GRM7: variants seen among roughly 807,000 people sequenced by gnomAD.
GRM7 encodes metabotropic glutamate receptor 7.
GRM7 carries 35 observed loss-of-function variants against 84.5 expected under a neutral mutation model. That is an observed-to-expected ratio of 0.41 (90% CI 0.32 to 0.55). GRM7 has a LOEUF of 0.55. Among genes scored for constraint, GRM7 ranks in the 20% least tolerant of loss-of-function variants. GRM7 has a pLI of 0.19. For missense variants in GRM7, 1,003 were observed against 1,194.6 expected, an observed-to-expected ratio of 0.84 and a Z score of 2.36; for synonymous variants, 487 against 455.1, an observed-to-expected ratio of 1.07 and a Z score of -0.89.
At chr3:7,445,628 G>C (rs967613239) in intron 5 of GRM7, among the ~76,000 whole-genome samples, 1 of 152,082 alleles carries the variant, frequency 6.6e-6, no homozygotes, top group Non-Finnish European at 1.5e-5. Context: ...ACCTGACTTT[G>C]CTTCTACTGA....
chr3:7,402,095 C>T (rs889828538), intron 4 of GRM7, among the ~76,000 whole-genome samples: 5 of 152,094 alleles, frequency 3.3e-5, no homozygotes, highest in African/African-American at 1.2e-4. Flanking sequence ...CCCAGGCAAA[C>T]TGAATTTTTC....
rs547315923 is a variant in GRM7 at position 6,887,734 on chromosome 3, G to T, written c.519+25827G>T. The stretch of plus-strand genomic sequence containing the variant: ...ATAGCAGCAGGATTTATAGTCCTTT[G>T]GGTATATACCCCGTACTGGGATGGC... On this transcript the variant is annotated intron_variant, in intron 1 of 9. Transcript: ENST00000357716. Among the ~76,000 whole-genome samples, 255 of 152,178 alleles carry T rather than the reference G, an allele frequency of 1.7e-3. 2 individuals carry two copies. Among genetic ancestry groups the T allele is most frequent in the African/African-American group, 5.7e-3 (238 of 41,514 alleles).
intron 8 of GRM7, among the ~76,000 whole-genome samples, chr3:7,611,041 TATATTGA>T (rs1696824864): frequency 6.6e-6 from 1 of 152,176 alleles, no homozygotes; most frequent in Non-Finnish European, 1.5e-5. Flanking sequence ...TGCGAGAGAA[TATATTGA>T]ATAGCCTTGT....
chr3:7,229,649 G>A lies in GRM7; in HGVS notation c.737-69035G>A, dbSNP rs747085724. Among the ~76,000 whole-genome samples, 77 of 144,504 alleles carry A rather than the reference G, an allele frequency of 5.3e-4. 1 individual carries two copies. Among genetic ancestry groups the A allele is most frequent in the Non-Finnish European group, 9.0e-4 (60 of 66,458 alleles). 94.8% of individuals were successfully genotyped at this position (144,504 alleles called of 152,430 possible). On this transcript the variant is annotated intron_variant, in intron 2 of 9. Transcript: ENST00000357716. ...ATTTCCCTGGGAAATACTCTCTGGA[G>A]AAGAAAACAGTGGTAGGAGAGACAG...
At chr3:7,703,455 C>A (rs1054444599) in intron 9 of GRM7, among the ~76,000 whole-genome samples, 1 of 149,966 alleles carries the variant, frequency 6.7e-6, no homozygotes, top group Non-Finnish European at 1.5e-5. Context: ...TTTTTTTAAT[C>A]TGGTGGATGG....
chr3:7,375,999 G>C (rs1012569924), intron 4 of GRM7, among the ~76,000 whole-genome samples: 1 of 152,154 alleles, frequency 6.6e-6, no homozygotes, highest in Non-Finnish European at 1.5e-5. Context: ...GTGACTATGA[G>C]TTACAGCTCA....
intron 1 of GRM7, among the ~76,000 whole-genome samples, chr3:7,034,015 G>C (rs1017956196): frequency 6.6e-6 from 1 of 152,056 alleles, no homozygotes; most frequent in South Asian, 2.1e-4. Context: ...CAGGTCTTAT[G>C]GTATGAATCT....
At chr3:7,219,492 TA>T (rs1696727518) in intron 2 of GRM7, among the ~76,000 whole-genome samples, 1 of 152,246 alleles carries the variant, frequency 6.6e-6, no homozygotes, top group African/African-American at 2.4e-5. Flanking sequence ...ACTCTTTGTT[TA>T]AAAGACATTG....
intron 7 of GRM7, among the ~76,000 whole-genome samples, chr3:7,516,301 C>A (rs1290320165): frequency 2.7e-5 from 4 of 150,346 alleles, no homozygotes; most frequent in African/African-American, 9.8e-5. Flanking sequence ...CATGGTGAAA[C>A]CCTGTCTCTA....
intron 1 of GRM7, among the ~76,000 whole-genome samples, chr3:6,997,320 A>G (rs1694859323): frequency 6.6e-6 from 1 of 152,140 alleles, no homozygotes; most frequent in South Asian, 2.1e-4. Flanking sequence ...ACCCTTCTAT[A>G]AAGACATACC....
intron 4 of GRM7, among the ~76,000 whole-genome samples, chr3:7,327,165 GTTATTGT>G (rs1156553497): frequency 1.3e-5 from 2 of 152,190 alleles, no homozygotes; most frequent in African/African-American, 4.8e-5. Flanking sequence ...TGCCTGTGAA[GTTATTGT>G]TTATTGCTCA....
chr3:7,544,707 T>G (rs996449145), intron 7 of GRM7, among the ~76,000 whole-genome samples: 1 of 152,252 alleles, frequency 6.6e-6, no homozygotes, highest in Non-Finnish European at 1.5e-5. Flanking sequence ...TTTTATGTTG[T>G]CTCTTTCCTC....
chr3:6,916,724 T>C (rs1468876963), intron 1 of GRM7, among the ~76,000 whole-genome samples: 1 of 152,156 alleles, frequency 6.6e-6, no homozygotes, highest in Non-Finnish European at 1.5e-5. Context: ...ATTGGACTGG[T>C]GATTCGATTT....
chr3:7,697,505 C>T (rs569394263), intron 9 of GRM7, among the ~76,000 whole-genome samples: 16 of 152,066 alleles, frequency 1.1e-4, no homozygotes, highest in Admixed American at 2.6e-4. Context: ...TATTTTTGAA[C>T]TAAAAAATTT....
chr3:7,406,670 A>T (rs572359642), intron 4 of GRM7, among the ~76,000 whole-genome samples: 1 of 152,172 alleles, frequency 6.6e-6, no homozygotes, highest in African/African-American at 2.4e-5. Context: ...CTGAGACATT[A>T]TGTCTTCTTA....
At chr3:7,107,371 G>GA (rs1692693526) in intron 1 of GRM7, among the ~76,000 whole-genome samples, 1 of 152,050 alleles carries the variant, frequency 6.6e-6, no homozygotes, top group Non-Finnish European at 1.5e-5. Context: ...GTTTTCTCAA[G>GA]TGGTCCTGTC....
chr3:7,677,609 C>T (rs1289528102), intron 8 of GRM7, among the ~76,000 whole-genome samples: 7 of 152,160 alleles, frequency 4.6e-5, no homozygotes, highest in Non-Finnish European at 8.8e-5. Context: ...TTCGAAGTGT[C>T]ACCAGAGACT....
At chr3:7,191,129 A>G (rs959547164) in intron 2 of GRM7, among the ~76,000 whole-genome samples, 5 of 152,168 alleles carry the variant, frequency 3.3e-5, no homozygotes, top group African/African-American at 9.7e-5. Flanking sequence ...AATATTAGCC[A>G]TGGCAATGAG....
chr3:7,381,489 A>G (rs944968751), intron 4 of GRM7, among the ~76,000 whole-genome samples: 3 of 152,160 alleles, frequency 2.0e-5, no homozygotes, highest in Non-Finnish European at 4.4e-5. Context: ...CAAGCATTAA[A>G]CATTTATACT....
Sources: allele counts gnomAD v4.1 joint callset (sites outside exome capture counted in the v4.1 genomes callset), GRCh38; gene constraint gnomAD v4.1.1; transcripts MANE v1.5; gene names NCBI Gene and HGNC (gene_info 2026-07-23, HGNC 2026-07-21).